PPM1H: variants seen among roughly 807,000 people sequenced by gnomAD.
The protein encoded by PPM1H is protein phosphatase 1H.
Under a neutral mutation model 54.9 loss-of-function variants are expected in PPM1H, and 27 were observed. That is an observed-to-expected ratio of 0.49 (90% CI 0.36 to 0.68). PPM1H has a LOEUF of 0.68. Among genes scored for constraint, PPM1H ranks in the 30% least tolerant of loss-of-function variants. The pLI is 0.00. For missense variants in PPM1H, 596 were observed against 667.8 expected, an observed-to-expected ratio of 0.89 and a Z score of 1.19; for synonymous variants, 305 against 270.8, an observed-to-expected ratio of 1.13 and a Z score of -1.24.
intron 1 of PPM1H, among the ~76,000 whole-genome samples, chr12:62,850,025 T>C (rs1869121053): frequency 6.6e-6 from 1 of 152,126 alleles, no homozygotes; most frequent in African/African-American, 2.4e-5. Flanking sequence ...CAGTGGTGTG[T>C]GATCATGGCT....
chr12:62,656,886 C>T (rs2075847410), intron 9 of PPM1H, among the ~76,000 whole-genome samples: 1 of 151,964 alleles, frequency 6.6e-6, no homozygotes, highest in East Asian at 1.9e-4. Context: ...TAGGGAATGG[C>T]CTTTGTTGTG....
intron 3 of PPM1H, among the ~76,000 whole-genome samples, chr12:62,790,018 AG>A (rs2120709116): frequency 6.6e-6 from 1 of 152,358 alleles, no homozygotes; most frequent in Non-Finnish European, 1.5e-5. Flanking sequence ...TAAAAATTAC[AG>A]GAAGAGGAAG....
At chr12:62,811,385 C>T (rs1320653553) in intron 2 of PPM1H, among the ~76,000 whole-genome samples, 2 of 152,180 alleles carry the variant, frequency 1.3e-5, no homozygotes, top group African/African-American at 2.4e-5. Flanking sequence ...GGACACTGAG[C>T]AGGTGGGGAG....
Position 62,802,095 on chromosome 12 carries a change from C to T in PPM1H, c.477G>A (p.Ala159=), listed in dbSNP as rs764942006. 1.2e-6 allele frequency: 2 copies of T among 1,609,410 alleles called. No homozygotes were observed. The highest frequency in any genetic ancestry group is 1.3e-5 in the African/African-American group (1 of 74,826). The change falls in exon 3 of 10, where the codon GCG becomes GCA. Residue 159 remains alanine (A), a synonymous_variant. Transcript: ENST00000228705. Reference sequence around the variant, plus strand: ...GCTGCAGCAGGCGTGACGCCACCACCGCGGCCCCGGACCCCGCGTGCCCGT... The same window carrying T: ...GCTGCAGCAGGCGTGACGCCACCACTGCGGCCCCGGACCCCGCGTGCCCGT... ...LFDGHAGSGA[A]VVASRLLQHH...
intron 1 of PPM1H, among the ~76,000 whole-genome samples, chr12:62,836,545 T>G (rs547479618): frequency 9.2e-5 from 14 of 152,272 alleles, no homozygotes; most frequent in Admixed American, 7.2e-4. Flanking sequence ...ACTGGCAGAG[T>G]AGTTTGGTCA....
At chr12:62,682,195 C>T (rs141013725) in intron 8 of PPM1H, among the ~76,000 whole-genome samples, 214 of 152,260 alleles carry the variant, frequency 1.4e-3, no homozygotes, top group African/African-American at 4.9e-3. Flanking sequence ...TTTTTTAAAA[C>T]TTCAAGACTT....
chr12:62,914,096 T>C (rs1449991604), intron 1 of PPM1H, among the ~76,000 whole-genome samples: 2 of 152,162 alleles, frequency 1.3e-5, no homozygotes, highest in Non-Finnish European at 2.9e-5. Context: ...AATGTTGAAA[T>C]TGGAGCCTAG....
At chr12:62,652,722 C>T (rs2075823071) in intron 9 of PPM1H, among the ~76,000 whole-genome samples, 1 of 151,986 alleles carries the variant, frequency 6.6e-6, no homozygotes, top group Non-Finnish European at 1.5e-5. Flanking sequence ...CCTTAGAATG[C>T]CTTCTTTCAT....
chr12:62,666,831 T>C (rs1459557037), intron 9 of PPM1H, among the ~76,000 whole-genome samples: 2 of 152,114 alleles, frequency 1.3e-5, no homozygotes, highest in African/African-American at 4.8e-5. Context: ...CTCCTGCCTC[T>C]GCCTCCCGAG....
At chr12:62,810,411 G>A (rs11174657) in intron 2 of PPM1H, among the ~76,000 whole-genome samples, 9,988 of 152,200 alleles carry the variant, frequency 0.066, 445 homozygotes, top group Middle Eastern at 0.12. Flanking sequence ...ATCTCTGGCT[G>A]TACTTGATTT....
At chr12:62,688,104 T>A (rs1032024075) in intron 8 of PPM1H, among the ~76,000 whole-genome samples, 2 of 152,020 alleles carry the variant, frequency 1.3e-5, no homozygotes, top group African/African-American at 4.8e-5. Flanking sequence ...CCTTCTACTA[T>A]CGAAATTGGG....
intron 1 of PPM1H, among the ~76,000 whole-genome samples, chr12:62,865,364 C>A (rs1478795512): frequency 6.6e-6 from 1 of 152,134 alleles, no homozygotes; most frequent in African/African-American, 2.4e-5. Flanking sequence ...ACCCCATCAC[C>A]GTCACTGTCT....
chr12:62,694,022 T>G (rs751210705), intron 6 of PPM1H, 23 bp from the exon 7 acceptor site: 2 of 1,601,740 alleles, frequency 1.2e-6, no homozygotes, highest in Non-Finnish European at 1.7e-6. Context: ...AACAACATTT[T>G]AAAAAAGGTT....
intron 8 of PPM1H, among the ~76,000 whole-genome samples, chr12:62,670,490 C>T (rs1275401977): frequency 6.6e-6 from 1 of 152,098 alleles, no homozygotes; most frequent in African/African-American, 2.4e-5. Context: ...TCAGAGTCTG[C>T]CCTATGAGTA....
At chr12:62,846,262 G>C (rs995563208) in intron 1 of PPM1H, among the ~76,000 whole-genome samples, 1 of 152,168 alleles carries the variant, frequency 6.6e-6, no homozygotes, top group African/African-American at 2.4e-5. Context: ...ACTTTGGGAG[G>C]CCAAGGCAGG....
At chr12:62,770,372 C>T (rs185936388) in intron 4 of PPM1H, among the ~76,000 whole-genome samples, 3 of 152,206 alleles carry the variant, frequency 2.0e-5, no homozygotes, top group South Asian at 2.1e-4. Context: ...GGTCCCACAG[C>T]GCTATGATAA....
At chr12:62,727,200 C>T (rs1399729924) in intron 5 of PPM1H, among the ~76,000 whole-genome samples, 1 of 152,164 alleles carries the variant, frequency 6.6e-6, no homozygotes, top group Non-Finnish European at 1.5e-5. Flanking sequence ...GCCACCATGC[C>T]CGGCCATGTG....
chr12:62,818,465 G>C (rs2076883344), intron 2 of PPM1H, among the ~76,000 whole-genome samples: 1 of 150,370 alleles, frequency 6.7e-6, no homozygotes. Context: ...TGGGAATCAG[G>C]AGGCCATTGG....
chr12:62,923,701 C>T (rs986423154), intron 1 of PPM1H, among the ~76,000 whole-genome samples: 1 of 152,076 alleles, frequency 6.6e-6, no homozygotes, highest in Non-Finnish European at 1.5e-5. Flanking sequence ...TGAGCCTGGC[C>T]GAAAATTTTC....
Sources: allele counts gnomAD v4.1 joint callset (sites outside exome capture counted in the v4.1 genomes callset), GRCh38; gene constraint gnomAD v4.1.1; transcripts MANE v1.5; gene names NCBI Gene and HGNC (gene_info 2026-07-23, HGNC 2026-07-21).